EYA4: variants seen among roughly 807,000 people sequenced by gnomAD.
EYA4 encodes the protein protein phosphatase EYA4.
EYA4 carries 31 observed loss-of-function variants against 87.9 expected under a neutral mutation model. The observed-to-expected ratio is 0.35, with a 90% CI of 0.27 to 0.48. The LOEUF (loss-of-function observed/expected upper bound fraction) is 0.48. Ranked by LOEUF, EYA4 falls within the 20% of genes least tolerant of loss-of-function variation. The pLI is 0.99. For missense variants in EYA4, 678 were observed against 761.4 expected (o/e 0.89, Z 1.29); for synonymous variants, 263 against 270.6 (o/e 0.97, Z 0.28).
At chr6:133,246,480 G>A (rs1774419387) in intron 1 of EYA4, among the ~76,000 whole-genome samples, 1 of 151,550 alleles carries the variant, frequency 6.6e-6, no homozygotes, top group Non-Finnish European at 1.5e-5. Context: ...GTTTATTTAG[G>A]TTATAATTTT....
At chr6:133,353,525 G>A (rs1464814789) in intron 2 of EYA4, among the ~76,000 whole-genome samples, 1 of 152,130 alleles carries the variant, frequency 6.6e-6, no homozygotes, top group East Asian at 1.9e-4. Context: ...GTAGGATCAA[G>A]GACACTTTAG....
At chr6:133,526,561 A>T (rs1357746171) in intron 19 of EYA4, among the ~76,000 whole-genome samples, 1 of 152,234 alleles carries the variant, frequency 6.6e-6, no homozygotes, top group African/African-American at 2.4e-5. Flanking sequence ...CTTTTCGATT[A>T]CATTTAAGAG....
At chr6:133,493,043 T>G (rs1797324641) in intron 13 of EYA4, among the ~76,000 whole-genome samples, 1 of 152,152 alleles carries the variant, frequency 6.6e-6, no homozygotes. Context: ...AATCTATCAA[T>G]TCAATGCAAT....
At chr6:133,347,353 C>A (rs1783274012) in intron 2 of EYA4, among the ~76,000 whole-genome samples, 1 of 151,830 alleles carries the variant, frequency 6.6e-6, no homozygotes, top group African/African-American at 2.4e-5. Context: ...GGTAATTATC[C>A]TTTTTAAATT....
In EYA4 at chr6:133,318,359, A is replaced by G. The variant is rs116562601; in HGVS notation, c.33+43546A>G. Among the ~76,000 whole-genome samples the G allele has an allele frequency of 3.6e-3, 545 of 152,304 alleles. 1 individual carries two copies. Among genetic ancestry groups the G allele is most frequent in the African/African-American group, 0.013 (520 of 41,570 alleles). On this transcript the variant is annotated intron_variant, in intron 2 of 19. Transcript: ENST00000355286. ...CTGAAAAGGCTTGGAGATTGTTCAG[A>G]ATTTGATGTAAACATTTTTCTGGCA...
chr6:133,407,427 G>C (rs1414289610), intron 3 of EYA4, among the ~76,000 whole-genome samples: 1 of 151,972 alleles, frequency 6.6e-6, no homozygotes, highest in Non-Finnish European at 1.5e-5. Context: ...AAATCACCAG[G>C]GCTTTGGCTG....
intron 3 of EYA4, chr6:133,439,611 A>G (rs190466713): frequency 1.3e-5 from 2 of 152,358 alleles, no homozygotes; most frequent in Admixed American, 1.3e-4. Context: ...ATTTGTCCCT[A>G]CAACAATGTG....
At chr6:133,283,272 C>T (rs115759188) in intron 2 of EYA4, among the ~76,000 whole-genome samples, 8,378 of 150,970 alleles carry the variant, frequency 0.055, 795 homozygotes, top group African/African-American at 0.19. Flanking sequence ...CCACCCTGAG[C>T]GACAGAGCAA....
At chr6:133,455,827 T>C (rs1793852574) in intron 5 of EYA4, among the ~76,000 whole-genome samples, 1 of 152,152 alleles carries the variant, frequency 6.6e-6, no homozygotes, top group African/African-American at 2.4e-5. Flanking sequence ...ATCACCCTTG[T>C]TGCATCTAAT....
chr6:133,317,818 C>T (rs1453738939), intron 2 of EYA4, among the ~76,000 whole-genome samples: 2 of 151,352 alleles, frequency 1.3e-5, no homozygotes, highest in African/African-American at 4.9e-5. Flanking sequence ...TTCATCTATC[C>T]ATCCCTAGAT....
chr6:133,387,682 C>T (rs1786870107), intron 3 of EYA4, among the ~76,000 whole-genome samples: 1 of 151,972 alleles, frequency 6.6e-6, no homozygotes, highest in Non-Finnish European at 1.5e-5. Flanking sequence ...GCATACTTCC[C>T]CTGAAAATGA....
At chr6:133,399,225 C>T (rs1385738313) in intron 3 of EYA4, among the ~76,000 whole-genome samples, 3 of 152,084 alleles carry the variant, frequency 2.0e-5, no homozygotes, top group Non-Finnish European at 4.4e-5. Context: ...ATAATTTCTT[C>T]TTTCTGATAG....
At chr6:133,405,502 A>AT (rs1386343856) in intron 3 of EYA4, among the ~76,000 whole-genome samples, 1 of 152,196 alleles carries the variant, frequency 6.6e-6, no homozygotes, top group Non-Finnish European at 1.5e-5. Flanking sequence ...CATAAAAATC[A>AT]TTCTCGGTAT....
At chr6:133,417,746 A>G (rs971336520) in intron 3 of EYA4, among the ~76,000 whole-genome samples, 1 of 152,172 alleles carries the variant, frequency 6.6e-6, no homozygotes, top group African/African-American at 2.4e-5. Context: ...ACACTGAGAG[A>G]TATTGTTGTT....
At chr6:133,365,184 G>A (rs1365789195) in intron 2 of EYA4, among the ~76,000 whole-genome samples, 2 of 152,126 alleles carry the variant, frequency 1.3e-5, no homozygotes, top group African/African-American at 4.8e-5. Context: ...TTGATCGCTT[G>A]GTTGGGTAAA....
intron 3 of EYA4, among the ~76,000 whole-genome samples, chr6:133,391,068 G>A (rs938773660): frequency 2.0e-5 from 3 of 152,176 alleles, no homozygotes; most frequent in African/African-American, 7.2e-5. Context: ...TAGTAGATGA[G>A]ATTAGAAAGT....
chr6:133,285,346 A>G (rs573863127), intron 2 of EYA4, among the ~76,000 whole-genome samples: 1 of 152,198 alleles, frequency 6.6e-6, no homozygotes, highest in Non-Finnish European at 1.5e-5. Context: ...AGCCATGTGG[A>G]TATCTGGGGA....
At chr6:133,455,552 A>G (rs1437716347) in intron 5 of EYA4, among the ~76,000 whole-genome samples, 1 of 152,110 alleles carries the variant, frequency 6.6e-6, no homozygotes, top group Admixed American at 6.6e-5. Context: ...AACATTACTG[A>G]CTTGTGTGAT....
chr6:133,381,102 A>G (rs1215916533), intron 2 of EYA4, among the ~76,000 whole-genome samples: 1 of 110,100 alleles, frequency 9.1e-6, no homozygotes, highest in African/African-American at 3.6e-5. Context: ...TTGCCCCTCC[A>G]TCTCATGGTA....
Sources: allele counts gnomAD v4.1 joint callset (sites outside exome capture counted in the v4.1 genomes callset), GRCh38; gene constraint gnomAD v4.1.1; transcripts MANE v1.5; gene names NCBI Gene and HGNC (gene_info 2026-07-23, HGNC 2026-07-21).